The following DCP1A variants were observed in gnomAD, a reference collection of about 807,000 sequenced individuals.
DCP1A encodes mRNA-decapping enzyme 1A.
Under a neutral mutation model 58.0 loss-of-function variants are expected in DCP1A, and 20 were observed. The observed-to-expected ratio is 0.34, with a 90% CI of 0.24 to 0.50. The LOEUF (loss-of-function observed/expected upper bound fraction) is 0.50. Among genes scored for constraint, DCP1A ranks in the 20% least tolerant of loss-of-function variants. DCP1A has a pLI of 0.98. For missense variants in DCP1A, 613 were observed against 712.2 expected (o/e 0.86, Z 1.59); for synonymous variants, 285 against 275.1 (o/e 1.04, Z -0.36).
At chr3:53,345,193 T>C (rs1553693019) in intron 1 of DCP1A, among the ~76,000 whole-genome samples, 1 of 152,238 alleles carries the variant, frequency 6.6e-6, no homozygotes, top group Non-Finnish European at 1.5e-5. Flanking sequence ...GCAGTATTTT[T>C]CTTTTTTAAT....
chr3:53,347,261 C>T (rs1355160439), intron 1 of DCP1A, 122 bp downstream of exon 1: 1 of 1,256,920 alleles, frequency 8.0e-7, no homozygotes, highest in African/African-American at 1.6e-5. Context: ...TTGGCCAGAC[C>T]CTGGCCTCGT....
intron 2 of DCP1A, 125 bp from the exon 3 acceptor site, chr3:53,342,396 A>G: frequency 1.3e-6 from 1 of 743,084 alleles, no homozygotes; most frequent in Non-Finnish European, 2.1e-6. Context: ...TATTATCAGC[A>G]CTTACATCTG....
chr3:53,333,104 C>A (rs974096610), intron 3 of DCP1A: 1 of 150,252 alleles, frequency 6.7e-6, no homozygotes, highest in Non-Finnish European at 1.5e-5. Flanking sequence ...AGTAGCAGAA[C>A]TAGACAAAAT....
chr3:53,290,909 A>T, intron 7 of DCP1A, 53 bp from the exon 8 acceptor site: 5 of 1,447,774 alleles, frequency 3.5e-6, no homozygotes, highest in Non-Finnish European at 4.8e-6. Context: ...TCAATTAAGA[A>T]GACTTCCTAG....
chr3:53,315,855 G>A (rs556282228), intron 4 of DCP1A, among the ~76,000 whole-genome samples: 1 of 138,646 alleles, frequency 7.2e-6, no homozygotes, highest in Non-Finnish European at 1.5e-5. Context: ...CCGGGTTCAC[G>A]CCATTCTTCT....
At chr3:53,336,925 C>T (rs1479823267) in intron 3 of DCP1A, among the ~76,000 whole-genome samples, 1 of 151,832 alleles carries the variant, frequency 6.6e-6, no homozygotes, top group Non-Finnish European at 1.5e-5. Context: ...GGCTGGAGTG[C>T]CAAGGGGCCA....
chr3:53,336,898 T>C (rs1414621201), intron 3 of DCP1A, among the ~76,000 whole-genome samples: 3 of 149,580 alleles, frequency 2.0e-5, no homozygotes, highest in South Asian at 4.2e-4. Flanking sequence ...TGAGATGGAG[T>C]CTTGCTCTGT....
chr3:53,305,927 TA>T (rs1178288090), intron 5 of DCP1A, among the ~76,000 whole-genome samples: 1 of 152,094 alleles, frequency 6.6e-6, no homozygotes, highest in Non-Finnish European at 1.5e-5. Context: ...ATCAGACCAA[TA>T]GATGGACATG....
intron 7 of DCP1A, among the ~76,000 whole-genome samples, chr3:53,291,244 T>A (rs1307528739): frequency 1.3e-5 from 2 of 152,226 alleles, no homozygotes; most frequent in African/African-American, 4.8e-5. Context: ...GTATATGAAA[T>A]GTTTTGATAC....
intron 3 of DCP1A, among the ~76,000 whole-genome samples, chr3:53,336,645 T>A (rs1326365571): frequency 1.3e-5 from 2 of 152,196 alleles, no homozygotes; most frequent in African/African-American, 4.8e-5. Flanking sequence ...GCTAAGAATG[T>A]ATCTTGCCAG....
At chr3:53,293,415 G>T (rs895842067) in intron 6 of DCP1A, among the ~76,000 whole-genome samples, 7 of 152,046 alleles carry the variant, frequency 4.6e-5, no homozygotes, top group African/African-American at 1.7e-4. Context: ...TCGTTCAAAG[G>T]AAAAACATTC....
chr3:53,328,077 G>A (rs1201080036), intron 3 of DCP1A, among the ~76,000 whole-genome samples: 3 of 151,828 alleles, frequency 2.0e-5, no homozygotes, highest in African/African-American at 7.3e-5. Context: ...CCGAGATTGC[G>A]CCACTGTACT....
intron 7 of DCP1A, among the ~76,000 whole-genome samples, chr3:53,291,666 A>T (rs1196232873): frequency 1.3e-5 from 2 of 152,120 alleles, no homozygotes; most frequent in Non-Finnish European, 2.9e-5. Context: ...CAGTTGAAAA[A>T]ATCAGCTTTA....
At chr3:53,333,879 G>A (rs2089063216) in intron 3 of DCP1A, among the ~76,000 whole-genome samples, 1 of 152,072 alleles carries the variant, frequency 6.6e-6, no homozygotes, top group African/African-American at 2.4e-5. Context: ...AGAGACACCA[G>A]CCTTTTTTGC....
In DCP1A at chr3:53,324,144, C is replaced by G. The variant is rs187900681; in HGVS notation, c.305-4671G>C. On this transcript the variant is annotated intron_variant, in intron 3 of 9. Transcript: ENST00000610213. Reference sequence around the variant, plus strand: ...CCTTCTGCTTTTGTATATTATCAAACTGCCTAAAAAGAGCCAAACACTTTC... The same window carrying G: ...CCTTCTGCTTTTGTATATTATCAAAGTGCCTAAAAAGAGCCAAACACTTTC... Among the ~76,000 whole-genome samples, 317 of 152,236 alleles carry G rather than the reference C, an allele frequency of 2.1e-3. 2 individuals are homozygous for G. The highest frequency in any genetic ancestry group is 7.4e-3 in the African/African-American group (307 of 41,548).
At chr3:53,292,036 C>A in intron 7 of DCP1A, 33 bp downstream of exon 7, 1 of 1,571,854 alleles carries the variant, frequency 6.4e-7, no homozygotes, top group Non-Finnish European at 8.6e-7. Flanking sequence ...TTACAGTTAC[C>A]CACTCTGCCC....
At chr3:53,323,416 T>C (rs1490086869) in intron 3 of DCP1A, among the ~76,000 whole-genome samples, 1 of 152,198 alleles carries the variant, frequency 6.6e-6, no homozygotes, top group Non-Finnish European at 1.5e-5. Context: ...AGACTCCATA[T>C]ATGGCAATTA....
Position 53,319,440 on chromosome 3 carries a change from T to C in DCP1A, c.338A>G (p.Asn113Ser). The C allele has an allele frequency of 6.4e-7, 1 of 1,562,710 alleles. No individual in the cohort carries two copies. Among genetic ancestry groups the C allele is most frequent in the Non-Finnish European group, 8.7e-7 (1 of 1,151,464 alleles). Residue 113 changes from asparagine (N) to serine (S), a missense_variant, in exon 4 of 10, where the codon AAT (asparagine) becomes AGT (serine). By Grantham distance (46) the Asn-to-Ser change is conservative (BLOSUM62 1). This residue lies in a region of DCP1A where 65 missense variants were observed against 118.5 expected (regional missense o/e 0.55). Transcript: ENST00000610213. ...GAGTTTTGCTATGCGGTGACAGTCA[T>C]TCTTGTCATAAAACCAGATACTATA... ...SIYSIWFYDKNDCHRIAKLMA... is the reference protein window; with the variant it reads ...SIYSIWFYDKSDCHRIAKLMA...
intron 3 of DCP1A, among the ~76,000 whole-genome samples, chr3:53,325,885 T>C (rs1553690521): frequency 1.3e-5 from 2 of 152,224 alleles, no homozygotes; most frequent in East Asian, 3.8e-4. Flanking sequence ...GATGAGATGT[T>C]GTATATCCGC....
Sources: allele counts gnomAD v4.1 joint callset (sites outside exome capture counted in the v4.1 genomes callset), GRCh38; gene constraint gnomAD v4.1.1; regional missense constraint gnomAD v4.1.1; transcripts MANE v1.5; gene names NCBI Gene and HGNC (gene_info 2026-07-23, HGNC 2026-07-21).